The following IFNGR1 variants were observed in gnomAD, a reference collection of about 807,000 sequenced individuals.
IFNGR1 encodes AVP, type 2.
Under a neutral mutation model 35.4 loss-of-function variants are expected in IFNGR1, and 23 were observed. That is an observed-to-expected ratio of 0.65 (90% CI 0.47 to 0.92). The LOEUF is 0.92. Ranked by LOEUF, IFNGR1 falls within the 40% of genes least tolerant of loss-of-function variation. The pLI is 0.00. For synonymous variants in IFNGR1, 199 were observed against 209.5 expected, an observed-to-expected ratio of 0.95 and a Z score of 0.43; for missense variants, 533 against 583.4, an observed-to-expected ratio of 0.91 and a Z score of 0.89.
chr6:137,207,624 T>C (rs1276356940), intron 1 of IFNGR1, among the ~76,000 whole-genome samples: 2 of 152,210 alleles, frequency 1.3e-5, no homozygotes, highest in Admixed American at 6.5e-5. Context: ...GATGGGTTTA[T>C]TGGGGCTTCT....
chr6:137,204,884 G>A (rs559801297), intron 3 of IFNGR1, among the ~76,000 whole-genome samples: 4 of 152,120 alleles, frequency 2.6e-5, no homozygotes, highest in East Asian at 3.9e-4. Flanking sequence ...TCTAAAAAAC[G>A]TTTCAGAAAT....
In IFNGR1 at chr6:137,197,972, T is replaced by C; in HGVS notation, c.*59A>G. The C allele has an allele frequency of 6.2e-7, 1 of 1,610,308 alleles. No homozygotes were observed. Among genetic ancestry groups the C allele is most frequent in the East Asian group, 2.2e-5 (1 of 44,862 alleles). On this transcript the variant is annotated 3_prime_UTR_variant, in exon 7 of 7. Coordinates refer to ENST00000367739, the MANE Select transcript of IFNGR1 (RefSeq NM_000416.3). Reference sequence around the variant, plus strand: ...CTGAGATCATAATCTTTTCATGAAATTAAAGCAGAAAACTGTCCAGGAAAA... The same window carrying C: ...CTGAGATCATAATCTTTTCATGAAACTAAAGCAGAAAACTGTCCAGGAAAA...
intron 1 of IFNGR1, among the ~76,000 whole-genome samples, chr6:137,210,201 G>C (rs1319621659): frequency 6.6e-6 from 1 of 151,948 alleles, no homozygotes; most frequent in Admixed American, 6.6e-5. Context: ...AGAGGCCTGT[G>C]CCTGTAGTTT....
chr6:137,203,823 T>C (rs1779358266), intron 4 of IFNGR1, 138 bp from the exon 5 acceptor site: 1 of 715,850 alleles, frequency 1.4e-6, no homozygotes, highest in Non-Finnish European at 2.4e-6. Context: ...ATAGCTTTAC[T>C]ATCAATAAGT....
rs56145308 is a variant in IFNGR1, at chr6:137,200,971, G to T, written c.771C>A (p.Leu257=). ...LWIPVVAALL[L]FLVLSLVFIC... is the part of the protein sequence containing the mutation. ...TGAATACCAGGCTAAGCACTAGAAA[G>T]AGTAGTAAAGCAGCAACAACTGGAA... The change falls in exon 6 of 7, where the codon CTC becomes CTA. Residue 257 remains leucine, a synonymous_variant. Coordinates refer to ENST00000367739, the MANE Select transcript of IFNGR1 (RefSeq NM_000416.3). 4 of 1,613,204 alleles carry T rather than the reference G, an allele frequency of 2.5e-6. No homozygotes were observed. Among genetic ancestry groups the T allele is most frequent in the Non-Finnish European group, 3.4e-6 (4 of 1,179,382 alleles).
chr6:137,217,482 C>T (rs1779730847), intron 1 of IFNGR1, among the ~76,000 whole-genome samples: 1 of 152,168 alleles, frequency 6.6e-6, no homozygotes, highest in Admixed American at 6.5e-5. Flanking sequence ...GGCACCTGAA[C>T]CTAGCTGGGC....
intron 1 of IFNGR1, among the ~76,000 whole-genome samples, chr6:137,211,165 G>A (rs1344875637): frequency 2.0e-5 from 3 of 151,868 alleles, no homozygotes; most frequent in Non-Finnish European, 2.9e-5. Flanking sequence ...CAAGGGTGCT[G>A]CTAAATATCC....
At position 137,203,699 on chromosome 6, in the gene IFNGR1, GA is replaced by G; in HGVS notation, c.547-15del. ...TTTATACTGGATCTAGATGAAAAAAGAAAACAGTGAAAATGCACAGCTTCTT... is the reference window on the plus strand; with the variant it reads ...TTTATACTGGATCTAGATGAAAAAAGAAACAGTGAAAATGCACAGCTTCTT... On this transcript the variant is annotated splice_polypyrimidine_tract_variant and intron_variant, in intron 4 of 6. Transcript: ENST00000367739. 6.5e-7 allele frequency: 1 copy of G among 1,530,400 alleles called. No individual in the cohort carries two copies. The highest frequency in any genetic ancestry group is 8.8e-7 in the Non-Finnish European group (1 of 1,137,412). 94.8% of individuals were successfully genotyped at this position (1,530,400 alleles called of 1,614,324 possible). A position where few individuals can be genotyped will look rare whatever the true frequency, so the allele number is the denominator to read the frequency against.
Position 137,212,639 on chromosome 6 carries a change from A to G in IFNGR1, c.86-5562T>C, listed in dbSNP as rs566351743. Among the ~76,000 whole-genome samples, 9 of 152,338 alleles carry G rather than the reference A, an allele frequency of 5.9e-5. No homozygotes were observed. The South Asian group carries it at 1.9e-3, about 32-fold the overall frequency. On this transcript the variant is annotated intron_variant, in intron 1 of 6. Coordinates refer to ENST00000367739, the MANE Select transcript of IFNGR1 (RefSeq NM_000416.3). The stretch of plus-strand genomic sequence containing the variant: ...CCTGAAATTCCTGTGAGAAAAAGGC[A>G]TATAGAAGTCAATCTGCATACTAGA...
Position 137,201,012 on chromosome 6 carries a change from A to T in IFNGR1, c.734-4T>A. 1 of 1,611,994 alleles carries T rather than the reference A, an allele frequency of 6.2e-7. No homozygotes were observed. The highest frequency in any genetic ancestry group is 2.2e-5 in the East Asian group (1 of 44,718). On this transcript the variant is annotated splice_region_variant and splice_polypyrimidine_tract_variant and intron_variant, in intron 5 of 6. Transcript: ENST00000367739. ...ACAACTGGAATCCAAAGAGAACCTT[A>T]AAAAAGGCAGAAATCACAAGTTACA...
In IFNGR1 at chr6:137,216,414, A is replaced by G. The variant is rs1927050; in HGVS notation, c.85+2829T>C. On this transcript the variant is annotated intron_variant, in intron 1 of 6. Coordinates refer to ENST00000367739, the MANE Select transcript of IFNGR1 (RefSeq NM_000416.3). ...AAAAGTGCATGAAGAGTGAAATACT[A>G]CTGATTAAGTGGCACACACAGATTT... 8.3e-3 allele frequency among the ~76,000 whole-genome samples: 1,257 copies of G among 152,322 alleles called. 18 individuals are homozygous for G. The highest frequency in any genetic ancestry group is 0.029 in the African/African-American group (1,197 of 41,556).
chr6:137,199,458 CTTATATTATATAAAATATATAAT>C (rs1298445049), intron 6 of IFNGR1, among the ~76,000 whole-genome samples: 861 of 23,592 alleles, frequency 0.036, 46 homozygotes, highest in Middle Eastern at 0.075. Context: ...AAATATATAA[CTTATATTATATAAAATATATAAT>C]TTATAATATA....
intron 1 of IFNGR1, chr6:137,218,712 T>G (rs1195422325): frequency 1.1e-5 from 4 of 350,174 alleles, no homozygotes; most frequent in Non-Finnish European, 2.3e-5. Flanking sequence ...TTCTGAGAAA[T>G]GGAGAAATGT....
At chr6:137,208,442 G>C (rs951770357) in intron 1 of IFNGR1, among the ~76,000 whole-genome samples, 1 of 152,208 alleles carries the variant, frequency 6.6e-6, no homozygotes, top group South Asian at 2.1e-4. Context: ...AGGCCCGGAG[G>C]CCTAGGAGGA....
At chr6:137,204,547 G>A in intron 3 of IFNGR1, 43 bp from the exon 4 acceptor site, 1 of 1,412,906 alleles carries the variant, frequency 7.1e-7, no homozygotes, top group East Asian at 2.3e-5. Flanking sequence ...ACTGGCCTTG[G>A]AACTAAATGG....
intron 1 of IFNGR1, among the ~76,000 whole-genome samples, chr6:137,212,500 C>G (rs2114506731): frequency 6.6e-6 from 1 of 152,328 alleles, no homozygotes. Context: ...TCATGAATCG[C>G]CCACCTGGGC....
At position 137,198,380 on chromosome 6, in the gene IFNGR1, A is replaced by G. The variant is rs1284807542; in HGVS notation, c.1121T>C (p.Ile374Thr). 2 of 1,614,078 alleles carry G rather than the reference A, an allele frequency of 1.2e-6. No individual in the cohort carries two copies. The highest frequency in any genetic ancestry group is 8.5e-7 in the Non-Finnish European group (1 of 1,180,010). The change falls in exon 7 of 7, where the codon ATA becomes ACA. Residue 374 changes from isoleucine to threonine, a missense_variant. By Grantham distance (89) the Ile-to-Thr change is moderately conservative. Transcript: ENST00000367739. ...DVVPGSHLTP[I>T]ERESSSPLSS... The stretch of plus-strand genomic sequence containing the variant: ...TAAAGGTGAAGAACTCTCTCTCTCT[A>G]TTGGAGTCAGATGGCTGCCCGGGAC...
chr6:137,208,278 G>C (rs1779491747), intron 1 of IFNGR1, among the ~76,000 whole-genome samples: 1 of 152,214 alleles, frequency 6.6e-6, no homozygotes, highest in African/African-American at 2.4e-5. Context: ...GCCTGACTAT[G>C]AGACAGAAAA....
intron 6 of IFNGR1, among the ~76,000 whole-genome samples, chr6:137,198,873 T>C (rs1429424161): frequency 6.6e-5 from 10 of 152,210 alleles, no homozygotes; most frequent in Non-Finnish European, 1.0e-4. Flanking sequence ...TTTTTGTACG[T>C]TACTGTGATG....
Sources: gnomAD v4.1 joint callset for allele counts (sites outside exome capture counted in the v4.1 genomes callset) on GRCh38, gnomAD v4.1.1 for gene constraint, MANE v1.5 for transcripts, NCBI Gene and HGNC (gene_info 2026-07-23, HGNC 2026-07-21) for gene names.